The following GALNT17 variants were observed in gnomAD, a reference collection of about 807,000 sequenced individuals.
The protein encoded by GALNT17 is polypeptide N-acetylgalactosaminyltransferase 17.
GALNT17 carries 29 observed loss-of-function variants against 63.7 expected under a neutral mutation model. That is an observed-to-expected ratio of 0.46 (90% CI 0.34 to 0.62). GALNT17 has a LOEUF of 0.62. GALNT17 is among the 20% of genes least tolerant of loss of function. The pLI is 0.01. For synonymous variants in GALNT17, 305 were observed against 318.3 expected (o/e 0.96, Z 0.45); for missense variants, 603 against 799.6 (o/e 0.75, Z 2.97).
At chr7:71,442,966 A>G (rs1043495598) in intron 5 of GALNT17, among the ~76,000 whole-genome samples, 12 of 152,172 alleles carry the variant, frequency 7.9e-5, no homozygotes, top group Admixed American at 6.5e-4. Context: ...ACTTAAAGGA[A>G]AGAGGAGAGA....
chr7:71,289,989 G>C (rs559808108), intron 1 of GALNT17, among the ~76,000 whole-genome samples: 2 of 152,068 alleles, frequency 1.3e-5, no homozygotes, highest in Non-Finnish European at 2.9e-5. Flanking sequence ...AGGTTGCAGT[G>C]AGCTGACATA....
chr7:71,621,702 T>G (rs951271497), intron 6 of GALNT17, among the ~76,000 whole-genome samples: 4 of 152,248 alleles, frequency 2.6e-5, no homozygotes, highest in Non-Finnish European at 5.9e-5. Flanking sequence ...AAAAATATTT[T>G]TTTCTTCTGT....
At chr7:71,456,952 G>T (rs57276588) in intron 5 of GALNT17, among the ~76,000 whole-genome samples, 7,691 of 152,136 alleles carry the variant, frequency 0.051, 676 homozygotes, top group African/African-American at 0.18. Flanking sequence ...GAAGCGGGGG[G>T]TTCCAGGTCA....
At chr7:71,252,732 A>C (rs1172859250) in intron 1 of GALNT17, among the ~76,000 whole-genome samples, 1 of 152,160 alleles carries the variant, frequency 6.6e-6, no homozygotes, top group East Asian at 1.9e-4. Flanking sequence ...TTACTCTGCC[A>C]AAGGGGAAAG....
intron 1 of GALNT17, among the ~76,000 whole-genome samples, chr7:71,254,249 T>G (rs570639811): frequency 6.6e-6 from 1 of 152,240 alleles, no homozygotes; most frequent in South Asian, 2.1e-4. Context: ...CTTGTGGAGG[T>G]CAAGGTTTTT....
intron 1 of GALNT17, among the ~76,000 whole-genome samples, chr7:71,198,671 A>C (rs1789103221): frequency 6.6e-6 from 1 of 152,214 alleles, no homozygotes; most frequent in South Asian, 2.1e-4. Context: ...TAGGTACTTA[A>C]GATTGACAAG....
intron 1 of GALNT17, among the ~76,000 whole-genome samples, chr7:71,218,432 C>T (rs1789525457): frequency 6.6e-6 from 1 of 152,190 alleles, no homozygotes; most frequent in Non-Finnish European, 1.5e-5. Flanking sequence ...AGCTGCAAAA[C>T]CCTCCTAAGA....
chr7:71,399,297 C>G (rs1180511393), intron 3 of GALNT17, among the ~76,000 whole-genome samples: 1 of 152,144 alleles, frequency 6.6e-6, no homozygotes, highest in Non-Finnish European at 1.5e-5. Flanking sequence ...TTTCAAATAG[C>G]CTTCGTGCTA....
intron 6 of GALNT17, among the ~76,000 whole-genome samples, chr7:71,624,063 T>A (rs1319002140): frequency 1.3e-5 from 2 of 152,202 alleles, no homozygotes; most frequent in Admixed American, 1.3e-4. Context: ...CCCAGGGCTC[T>A]GTTTTATGGC....
At chr7:71,599,039 A>C (rs1166143488) in intron 6 of GALNT17, among the ~76,000 whole-genome samples, 1 of 152,134 alleles carries the variant, frequency 6.6e-6, no homozygotes. Flanking sequence ...GTTGAGTTCC[A>C]GGACCTGGGG....
chr7:71,261,855 C>A (rs1481285641), intron 1 of GALNT17, among the ~76,000 whole-genome samples: 1 of 152,168 alleles, frequency 6.6e-6, no homozygotes, highest in African/African-American at 2.4e-5. Context: ...TATTATCTCA[C>A]CCTTTTCACA....
intron 6 of GALNT17, among the ~76,000 whole-genome samples, chr7:71,572,017 C>T (rs1279352173): frequency 6.6e-6 from 1 of 151,378 alleles, no homozygotes; most frequent in African/African-American, 2.4e-5. Flanking sequence ...CCCTGTCTCT[C>T]TCACAAAGGC....
At chr7:71,539,984 A>G (rs1231247350) in intron 5 of GALNT17, among the ~76,000 whole-genome samples, 1 of 150,092 alleles carries the variant, frequency 6.7e-6, no homozygotes, top group Middle Eastern at 3.2e-3. Context: ...TGTAGAGACA[A>G]GATCTTGCTG....
intron 5 of GALNT17, among the ~76,000 whole-genome samples, chr7:71,436,314 C>T (rs550551016): frequency 9.6e-4 from 146 of 152,182 alleles, no homozygotes; most frequent in African/African-American, 3.3e-3. Flanking sequence ...GCACACCAGC[C>T]TTGGCAACTG....
intron 5 of GALNT17, among the ~76,000 whole-genome samples, chr7:71,545,734 C>T (rs773120028): frequency 6.6e-6 from 1 of 152,122 alleles, no homozygotes; most frequent in Non-Finnish European, 1.5e-5. Context: ...GAGTTCTAAT[C>T]TTACTGTATT....
At chr7:71,325,589 A>G (rs924255472) in intron 1 of GALNT17, among the ~76,000 whole-genome samples, 7 of 152,164 alleles carry the variant, frequency 4.6e-5, no homozygotes, top group Admixed American at 2.0e-4. Context: ...TCATGTCCTC[A>G]TTTGTATGAA....
intron 1 of GALNT17, among the ~76,000 whole-genome samples, chr7:71,207,092 C>T (rs1789286164): frequency 6.6e-6 from 1 of 151,068 alleles, no homozygotes; most frequent in South Asian, 2.1e-4. Context: ...GGCGACAGAG[C>T]GAGACTCTGT....
chr7:71,582,670 C>T (rs1789654101), intron 6 of GALNT17, among the ~76,000 whole-genome samples: 1 of 152,100 alleles, frequency 6.6e-6, no homozygotes, highest in South Asian at 2.1e-4. Context: ...TTTGCAGCAA[C>T]ATGAATGAGA....
chr7:71,637,257 C>G (rs1790540716), intron 6 of GALNT17, among the ~76,000 whole-genome samples: 1 of 152,158 alleles, frequency 6.6e-6, no homozygotes, highest in Admixed American at 6.5e-5. Context: ...GCGATCTCGG[C>G]TCACTGCAAC....
Sources: allele counts gnomAD v4.1 joint callset (sites outside exome capture counted in the v4.1 genomes callset), GRCh38; gene constraint gnomAD v4.1.1; transcripts MANE v1.5; gene names NCBI Gene and HGNC (gene_info 2026-07-23, HGNC 2026-07-21).